Variants in PCDHA7 observed in about 807,000 individuals in gnomAD.
The protein encoded by PCDHA7 is protocadherin alpha-7.
In PCDHA7, 37 loss-of-function variants were observed where a neutral mutation model predicts 57.2. That is an observed-to-expected ratio of 0.65 (90% CI 0.50 to 0.85). The LOEUF is 0.85. Ranked by LOEUF, PCDHA7 falls within the 40% of genes least tolerant of loss-of-function variation. The probability of loss-of-function intolerance (pLI) is 0.00; values close to 1 mark genes in which losing one functional copy is unlikely to be tolerated. For missense variants in PCDHA7, 1,188 were observed against 1,241.8 expected (o/e 0.96, Z 0.65); for synonymous variants, 553 against 558.8 (o/e 0.99, Z 0.15).
At chr5:140,921,385 A>C (rs571029849) in intron 1 of PCDHA7, among the ~76,000 whole-genome samples, 1 of 152,294 alleles carries the variant, frequency 6.6e-6, no homozygotes, top group East Asian at 1.9e-4. Flanking sequence ...CATATTTGAT[A>C]AACATTCACA....
At chr5:140,869,066 T>G (rs782722664) in intron 1 of PCDHA7, 1 of 1,567,422 alleles carries the variant, frequency 6.4e-7, no homozygotes, top group Non-Finnish European at 8.6e-7. Context: ...GTACTGTAAG[T>G]GTAAAGAAGC....
chr5:140,975,216 G>A (rs1349439819), intron 1 of PCDHA7, among the ~76,000 whole-genome samples: 1 of 152,198 alleles, frequency 6.6e-6, no homozygotes, highest in Non-Finnish European at 1.5e-5. Context: ...TGGCACTGGA[G>A]AATCTTCCCT....
intron 1 of PCDHA7, among the ~76,000 whole-genome samples, chr5:140,965,496 AT>A (rs71766133): frequency 0.14 from 20,233 of 145,920 alleles, 1,374 homozygotes; most frequent in Middle Eastern, 0.21. Flanking sequence ...ATGACAGCAG[AT>A]TTTTTTTTTT....
chr5:141,003,648 G>A lies in PCDHA7; in HGVS notation c.2504-5979G>A, dbSNP rs1314983871. On this transcript the variant is annotated intron_variant, in intron 3 of 3. Transcript: ENST00000525929. ...GTTTTTAAAGTAGAAGTGAAGATCTGTATGCATTTATTAAAATATATGTTG... is the reference window on the plus strand; with the variant it reads ...GTTTTTAAAGTAGAAGTGAAGATCTATATGCATTTATTAAAATATATGTTG... Among the ~76,000 whole-genome samples the A allele has an allele frequency of 3.3e-5, 5 of 152,226 alleles. No individual in the cohort carries two copies. In the South Asian group the frequency reaches 6.2e-4, roughly 19 times the overall value.
intron 1 of PCDHA7, among the ~76,000 whole-genome samples, chr5:140,909,595 A>G (rs1336934015): frequency 6.6e-6 from 1 of 151,976 alleles, no homozygotes; most frequent in Non-Finnish European, 1.5e-5. Context: ...TTGATTTACT[A>G]TTTTTCTAGG....
At chr5:140,882,989 G>A (rs567590369) in intron 1 of PCDHA7, 3 of 1,614,130 alleles carry the variant, frequency 1.9e-6, no homozygotes, top group African/African-American at 1.3e-5. Context: ...CAACGCCCCG[G>A]AATTTTACCA....
chr5:140,990,189 A>C (rs2097379694), intron 3 of PCDHA7, among the ~76,000 whole-genome samples: 1 of 152,218 alleles, frequency 6.6e-6, no homozygotes, highest in Non-Finnish European at 1.5e-5. Flanking sequence ...TAAGAACCAA[A>C]TGTGGACCCG....
At chr5:140,860,138 T>C (rs2046209991) in intron 1 of PCDHA7, 2 of 150,752 alleles carry the variant, frequency 1.3e-5, no homozygotes, top group Admixed American at 1.3e-4. Flanking sequence ...TGTGTGTATA[T>C]ATATGTATAT....
At chr5:140,971,221 G>A (rs1234658755) in intron 1 of PCDHA7, among the ~76,000 whole-genome samples, 1 of 152,082 alleles carries the variant, frequency 6.6e-6, no homozygotes, top group East Asian at 1.9e-4. Flanking sequence ...TCCCTCTCCT[G>A]ACTCAAAGCT....
At chr5:140,966,865 G>T (rs1554228807) in intron 1 of PCDHA7, 4 of 1,565,172 alleles carry the variant, frequency 2.6e-6, no homozygotes, top group Non-Finnish European at 1.7e-6. Context: ...TGCTGTTGCT[G>T]CTGCTGCTAC....
At chr5:141,001,536 A>G (rs562513933) in intron 3 of PCDHA7, among the ~76,000 whole-genome samples, 153 of 152,240 alleles carry the variant, frequency 1.0e-3, no homozygotes, top group African/African-American at 3.5e-3. Context: ...CTGATCCTGG[A>G]CAGGATTTGG....
At chr5:140,966,710 G>C in intron 1 of PCDHA7, 1 of 1,391,664 alleles carries the variant, frequency 7.2e-7, no homozygotes, top group African/African-American at 1.5e-5. Context: ...GTGGGGCACG[G>C]CTGGGGAAGC....
intron 1 of PCDHA7, among the ~76,000 whole-genome samples, chr5:140,954,934 T>A (rs1417357535): frequency 2.6e-5 from 4 of 152,208 alleles, no homozygotes; most frequent in African/African-American, 9.6e-5. Flanking sequence ...TTAATTAATC[T>A]TGAGTTAATT....
Position 140,875,636 on chromosome 5 carries a change from A to T in PCDHA7, c.2355+38898A>T, listed in dbSNP as rs574545388. On this transcript the variant is annotated intron_variant, in intron 1 of 3. Coordinates refer to ENST00000525929, the MANE Select transcript of PCDHA7 (RefSeq NM_018910.3). The stretch of plus-strand genomic sequence containing the variant: ...CGCATCGCTCAGGACCTGGGGCTGG[A>T]GCTGGCGGAGCTGGTGCCGCGCCTG... 6 of 1,613,488 alleles carry T rather than the reference A, an allele frequency of 3.7e-6. No individual in the cohort carries two copies. The Admixed American group carries it at 8.3e-5, about 22-fold the overall frequency.
intron 1 of PCDHA7, chr5:140,862,660 G>T: frequency 1.8e-6 from 1 of 546,542 alleles, no homozygotes; most frequent in Non-Finnish European, 3.7e-6. Flanking sequence ...GCGGGACCGG[G>T]ACGCGCAGGA....
chr5:140,842,833 G>A (rs2150345811), intron 1 of PCDHA7: 9 of 1,593,762 alleles, frequency 5.6e-6, no homozygotes. Flanking sequence ...AGCGCTCGCT[G>A]TCGAGCTACA....
chr5:140,903,121 C>A (rs2070010801), intron 1 of PCDHA7, among the ~76,000 whole-genome samples: 2 of 152,188 alleles, frequency 1.3e-5, no homozygotes, highest in Non-Finnish European at 2.9e-5. Flanking sequence ...ACTTCTAAAT[C>A]TTTAAGAAAT....
chr5:140,875,810 C>T, intron 1 of PCDHA7: 1 of 1,614,106 alleles, frequency 6.2e-7, no homozygotes, highest in Non-Finnish European at 8.5e-7. Context: ...GTGGACAGGC[C>T]GCTGCAGGTT....
intron 1 of PCDHA7, among the ~76,000 whole-genome samples, chr5:140,941,983 A>G (rs2093212614): frequency 6.6e-6 from 1 of 152,198 alleles, no homozygotes; most frequent in Non-Finnish European, 1.5e-5. Context: ...CTAAACCTTG[A>G]TAAGGGATTC....
Sources: gnomAD v4.1 joint callset for allele counts (sites outside exome capture counted in the v4.1 genomes callset) on GRCh38, gnomAD v4.1.1 for gene constraint, MANE v1.5 for transcripts, NCBI Gene and HGNC (gene_info 2026-07-23, HGNC 2026-07-21) for gene names.